Variants in LDLRAD4 observed in about 807,000 individuals in gnomAD.
The protein encoded by LDLRAD4 is low-density lipoprotein receptor class A domain-containing protein 4.
In LDLRAD4, 5 loss-of-function variants were observed where a neutral mutation model predicts 17.0. The observed-to-expected ratio is 0.29, with a 90% CI of 0.15 to 0.62. The LOEUF is 0.62. Among genes scored for constraint, LDLRAD4 ranks in the 20% least tolerant of loss-of-function variants. The probability of loss-of-function intolerance (pLI) is 0.84; values close to 1 mark genes in which losing one functional copy is unlikely to be tolerated. For missense variants in LDLRAD4, 340 were observed against 424.7 expected (o/e 0.80, Z 1.75); for synonymous variants, 168 against 171.8 (o/e 0.98, Z 0.17).
At chr18:13,625,011 C>T (rs184216460) in intron 4 of LDLRAD4, among the ~76,000 whole-genome samples, 85 of 152,344 alleles carry the variant, frequency 5.6e-4, no homozygotes, top group Admixed American at 1.4e-3. Flanking sequence ...TCTCCTGCAG[C>T]ACCCGAGGCC....
At chr18:13,649,727 C>T (rs1414021043) in exon 6 of LDLRAD4, 8 of 259,928 alleles carry the variant, frequency 3.1e-5, no homozygotes, top group Admixed American at 1.6e-4. Context: ...AAAAATTTTC[C>T]AAAGCTCGGC....
At chr18:13,545,625 G>A (rs1007238858) in intron 3 of LDLRAD4, among the ~76,000 whole-genome samples, 2 of 152,184 alleles carry the variant, frequency 1.3e-5, no homozygotes, top group African/African-American at 2.4e-5. Flanking sequence ...CTAGCAGCCG[G>A]CCATGAGCAG....
At chr18:13,569,921 G>T (rs948274) in intron 3 of LDLRAD4, among the ~76,000 whole-genome samples, 1 of 151,936 alleles carries the variant, frequency 6.6e-6, no homozygotes, top group Non-Finnish European at 1.5e-5. Flanking sequence ...AATAAATTGC[G>T]CTTGGAAGAA....
intron 1 of LDLRAD4, among the ~76,000 whole-genome samples, chr18:13,301,300 C>T (rs1599240461): frequency 6.6e-6 from 1 of 152,302 alleles, no homozygotes; most frequent in Middle Eastern, 3.4e-3. Flanking sequence ...CCAGTCAGCG[C>T]AGAGTAACCT....
intron 1 of LDLRAD4, chr18:13,362,645 A>C (rs1481768951): frequency 6.6e-6 from 1 of 152,250 alleles, no homozygotes; most frequent in East Asian, 1.9e-4. Context: ...GAAAATTTAA[A>C]AGGTAAATGT....
chr18:13,567,813 GTCA>G (rs2148302401), intron 3 of LDLRAD4, among the ~76,000 whole-genome samples: 1 of 152,164 alleles, frequency 6.6e-6, no homozygotes, highest in Non-Finnish European at 1.5e-5. Context: ...TGATAATGGT[GTCA>G]TCATTTAAAC....
At chr18:13,388,448 G>A (rs1490805451) in intron 2 of LDLRAD4, among the ~76,000 whole-genome samples, 1 of 152,242 alleles carries the variant, frequency 6.6e-6, no homozygotes, top group Non-Finnish European at 1.5e-5. Flanking sequence ...TGGGCTCCGT[G>A]ACATTGAGGA....
At chr18:13,308,057 T>C (rs1164323501) in intron 1 of LDLRAD4, among the ~76,000 whole-genome samples, 2 of 152,180 alleles carry the variant, frequency 1.3e-5, no homozygotes, top group Non-Finnish European at 2.9e-5. Context: ...TATATATCCT[T>C]CTAGAATTTC....
chr18:13,490,163 C>G (rs2093329140), intron 3 of LDLRAD4: 1 of 152,152 alleles, frequency 6.6e-6, no homozygotes, highest in Non-Finnish European at 1.5e-5. Context: ...TTCCTGTGAT[C>G]CACTGTGGTC....
intron 1 of LDLRAD4, among the ~76,000 whole-genome samples, chr18:13,309,340 C>T (rs528598867): frequency 7.2e-5 from 11 of 152,260 alleles, no homozygotes; most frequent in Non-Finnish European, 1.3e-4. Context: ...ATTCATGAGC[C>T]GGATGATGAT....
intron 2 of LDLRAD4, among the ~76,000 whole-genome samples, chr18:13,431,656 C>T (rs191164493): frequency 4.1e-4 from 62 of 152,260 alleles, no homozygotes; most frequent in African/African-American, 1.3e-3. Context: ...ATAATGGGAG[C>T]GACAAACCAT....
At chr18:13,241,175 C>A (rs1233918424) in intron 1 of LDLRAD4, 1 of 152,316 alleles carries the variant, frequency 6.6e-6, no homozygotes. Flanking sequence ...GATCCACCTG[C>A]CTCGGCCTCC....
intron 3 of LDLRAD4, among the ~76,000 whole-genome samples, chr18:13,445,632 T>A (rs912340916): frequency 6.6e-6 from 1 of 150,708 alleles, no homozygotes; most frequent in Non-Finnish European, 1.5e-5. Context: ...CGTGTGTGTG[T>A]GAGAGAGTCT....
chr18:13,393,819 T>C (rs552369058), intron 2 of LDLRAD4, among the ~76,000 whole-genome samples: 2 of 152,318 alleles, frequency 1.3e-5, no homozygotes, highest in South Asian at 4.1e-4. Flanking sequence ...GTGACCAAAG[T>C]TCCTGACACA....
intron 1 of LDLRAD4, among the ~76,000 whole-genome samples, chr18:13,382,162 G>T (rs1348364613): frequency 1.3e-5 from 2 of 152,236 alleles, no homozygotes; most frequent in African/African-American, 4.8e-5. Flanking sequence ...TATGCACTAC[G>T]GTTTTTTGAG....
At chr18:13,237,366 G>A (rs1396100665) in intron 1 of LDLRAD4, among the ~76,000 whole-genome samples, 1 of 152,316 alleles carries the variant, frequency 6.6e-6, no homozygotes, top group East Asian at 1.9e-4. Flanking sequence ...GGCTCTCTGA[G>A]GCCACCGTAG....
chr18:13,650,272 T>TCTC (rs2043188799), exon 6 of LDLRAD4: 1 of 393,612 alleles, frequency 2.5e-6, no homozygotes, highest in Non-Finnish European at 4.4e-6. Context: ...TGCTGCTGCT[T>TCTC]CTCGAACTGG....
chr18:13,242,005 G>T (rs2042681693), intron 1 of LDLRAD4: 1 of 152,308 alleles, frequency 6.6e-6, no homozygotes, highest in African/African-American at 2.4e-5. Flanking sequence ...GTCGGGGTGT[G>T]TGTCTACAAG....
chr18:13,571,461 A>G (rs2094689313), intron 3 of LDLRAD4, among the ~76,000 whole-genome samples: 1 of 152,110 alleles, frequency 6.6e-6, no homozygotes, highest in South Asian at 2.1e-4. Context: ...ATGCCACACT[A>G]CTGCCTCTGG....
Sources: gnomAD v4.1 joint callset for allele counts (sites outside exome capture counted in the v4.1 genomes callset) on GRCh38, gnomAD v4.1.1 for gene constraint, MANE v1.5 for transcripts, NCBI Gene and HGNC (gene_info 2026-07-23, HGNC 2026-07-21) for gene names.